Variants in CACNB2 observed in about 807,000 individuals in gnomAD.
The protein encoded by CACNB2 is voltage-dependent L-type calcium channel subunit beta-2.
Under a neutral mutation model 73.3 loss-of-function variants are expected in CACNB2, and 42 were observed. The observed-to-expected ratio is 0.57, with a 90% confidence interval of 0.45 to 0.74. CACNB2 has a LOEUF of 0.74. CACNB2 is among the 30% of genes least tolerant of loss of function. The probability of loss-of-function intolerance (pLI) is 0.00; values close to 1 mark genes in which losing one functional copy is unlikely to be tolerated. For missense variants in CACNB2, 940 were observed against 853.0 expected (o/e 1.10, Z -1.27); for synonymous variants, 348 against 310.3 (o/e 1.12, Z -1.28).
At chr10:18,525,186 C>T (rs1199255742) in intron 9 of CACNB2, among the ~76,000 whole-genome samples, 1 of 132,378 alleles carries the variant, frequency 7.6e-6, no homozygotes, top group African/African-American at 2.8e-5. Flanking sequence ...ATCTTTCTTT[C>T]TGTGCTGGGT....
intron 3 of CACNB2, among the ~76,000 whole-genome samples, chr10:18,482,039 G>C (rs544620430): frequency 8.3e-4 from 127 of 152,140 alleles, no homozygotes; most frequent in African/African-American, 3.0e-3. Flanking sequence ...ACAGGCGCCT[G>C]CCACCATGCC....
At position 18,400,776 on chromosome 10, in the gene CACNB2, T is replaced by C. The variant is rs560002434; in HGVS notation, c.214-1148T>C. On this transcript the variant is annotated intron_variant, in intron 2 of 13. Coordinates refer to ENST00000324631, the MANE Select transcript of CACNB2 (RefSeq NM_201596.3). ...GATGCTCGGCTTTTGAATGCACTTG[T>C]CTTCTTTATTTTTAAAGCAATATAA... is the stretch of plus-strand genomic sequence containing the variant. 6 of 1,399,038 alleles carry C rather than the reference T, an allele frequency of 4.3e-6. No homozygotes were observed. The African/African-American group carries it at 8.7e-5, about 20-fold the overall frequency. 86.7% of individuals were successfully genotyped at this position (1,399,038 alleles called of 1,614,324 possible). A position where few individuals can be genotyped will look rare whatever the true frequency, so the allele number is the denominator to read the frequency against.
intron 2 of CACNB2, chr10:18,401,193 T>C: frequency 6.8e-7 from 1 of 1,460,362 alleles, no homozygotes; most frequent in Admixed American, 1.8e-5. Flanking sequence ...GTGGTTTGAT[T>C]TGGTTAATCG....
intron 2 of CACNB2, among the ~76,000 whole-genome samples, chr10:18,282,448 TCA>T (rs1261883456): frequency 2.0e-4 from 31 of 152,328 alleles, no homozygotes; most frequent in African/African-American, 7.2e-4. Flanking sequence ...GGCACTGGCA[TCA>T]GCCTGGGAAA....
intron 2 of CACNB2, chr10:18,400,566 C>A (rs567348196): frequency 2.8e-4 from 286 of 1,021,554 alleles, no homozygotes; most frequent in Non-Finnish European, 3.2e-4. Context: ...CGCCTCCCCC[C>A]TCCCCCTCGA....
intron 2 of CACNB2, among the ~76,000 whole-genome samples, chr10:18,306,050 G>A (rs1445017248): frequency 1.3e-5 from 2 of 152,056 alleles, no homozygotes; most frequent in African/African-American, 4.8e-5. Context: ...GATAAGTAAG[G>A]GTGCAGAACA....
chr10:18,356,938 A>ATGTCTTTTTTTT lies in CACNB2; in HGVS notation c.214-44985_214-44984insGTCTTTTTTTTT, dbSNP rs1436280481. On this transcript the variant is annotated intron_variant, in intron 2 of 13. Transcript: ENST00000324631. ...AGCCACTGTGCCTGGCCCAGACTCA[A>ATGTCTTTTTTTT]TTTCTTTTTTTTTTTTTTTTTTTTG... Among the ~76,000 whole-genome samples the ATGTCTTTTTTTT allele has an allele frequency of 3.5e-4, 33 of 94,442 alleles. 4 individuals are homozygous for ATGTCTTTTTTTT. The highest frequency in any genetic ancestry group is 6.0e-4 in the Non-Finnish European group (28 of 46,400). 62.0% of individuals were successfully genotyped at this position (94,442 alleles called of 152,430 possible). A position where few individuals can be genotyped will look rare whatever the true frequency, so the allele number is the denominator to read the frequency against.
At chr10:18,142,888 T>G (rs1323682428) in intron 1 of CACNB2, among the ~76,000 whole-genome samples, 1 of 152,142 alleles carries the variant, frequency 6.6e-6, no homozygotes, top group East Asian at 1.9e-4. Flanking sequence ...TTCAAAGGAA[T>G]AAGGATAATA....
In CACNB2 at chr10:18,540,323, TTA is replaced by T. The variant is rs72366492; in HGVS notation, c.*608_*609del. ...ATTTCTGCAAACAAACACCTTCTTA[TTA>T]TATATATAATATATATATATATCAG... On this transcript the variant is annotated 3_prime_UTR_variant, in exon 14 of 14. Coordinates refer to ENST00000324631, the MANE Select transcript of CACNB2 (RefSeq NM_201596.3). The T allele has an allele frequency of 0.39, 54,325 of 139,448 alleles. 10,123 individuals carry two copies. The highest frequency in any genetic ancestry group is 0.44 in the Admixed American group (6,288 of 14,362). The allele number at this position is 139,448 out of a possible 1,614,324, so 8.6% of individuals were successfully genotyped here. A position where few individuals can be genotyped will look rare whatever the true frequency, so the allele number is the denominator to read the frequency against.
chr10:18,411,869 G>A (rs1344218651), intron 3 of CACNB2, among the ~76,000 whole-genome samples: 1 of 152,170 alleles, frequency 6.6e-6, no homozygotes, highest in Non-Finnish European at 1.5e-5. Flanking sequence ...CAGCACTGAT[G>A]ACTACACTAT....
chr10:18,291,847 T>C (rs1237821266), intron 2 of CACNB2, among the ~76,000 whole-genome samples: 1 of 152,212 alleles, frequency 6.6e-6, no homozygotes, highest in Non-Finnish European at 1.5e-5. Flanking sequence ...AGTTGTTTCA[T>C]GTTGGTAAGA....
intron 2 of CACNB2, among the ~76,000 whole-genome samples, chr10:18,340,180 T>C (rs1175832906): frequency 6.6e-6 from 1 of 152,166 alleles, no homozygotes; most frequent in East Asian, 1.9e-4. Flanking sequence ...TATATACATA[T>C]ATGTGTGTGT....
chr10:18,398,703 AC>A (rs1476200159), intron 2 of CACNB2, among the ~76,000 whole-genome samples: 1 of 147,074 alleles, frequency 6.8e-6, no homozygotes, highest in Non-Finnish European at 1.5e-5. Context: ...ACACACACAC[AC>A]ACACACACAC....
intron 3 of CACNB2, among the ~76,000 whole-genome samples, chr10:18,483,083 C>T (rs1222517414): frequency 1.3e-5 from 2 of 152,152 alleles, no homozygotes; most frequent in Non-Finnish European, 2.9e-5. Flanking sequence ...AGGGCAGCAG[C>T]AAAGGTTTTA....
rs12252962 is a variant in CACNB2 at position 18,498,792 on chromosome 10, G to T, written c.456+315G>T. 0.03 allele frequency: 9,705 copies of T among 318,806 alleles called. 813 individuals are homozygous for T. The highest frequency in any genetic ancestry group is 0.18 in the African/African-American group (8,487 of 45,886). 19.7% of individuals were successfully genotyped at this position (318,806 alleles called of 1,614,324 possible). ...TTTTTTTAATGTTTCACCTTGACTAGGTGTAGTTTTTCCTGATGCCTGAAG... is the reference window on the plus strand; with the variant it reads ...TTTTTTTAATGTTTCACCTTGACTATGTGTAGTTTTTCCTGATGCCTGAAG... On this transcript the variant is annotated intron_variant, in intron 4 of 13. Coordinates refer to ENST00000324631, the MANE Select transcript of CACNB2 (RefSeq NM_201596.3).
intron 2 of CACNB2, among the ~76,000 whole-genome samples, chr10:18,301,871 T>A (rs779043356): frequency 5.9e-5 from 9 of 151,868 alleles, no homozygotes; most frequent in East Asian, 2.0e-4. Context: ...CTGGTCTCGA[T>A]CTCCTGACCT....
intron 2 of CACNB2, among the ~76,000 whole-genome samples, chr10:18,236,776 C>T (rs2131480022): frequency 6.6e-6 from 1 of 152,312 alleles, no homozygotes. Context: ...ATGCTTGCAT[C>T]AGTGATCCAA....
At chr10:18,300,917 C>A (rs547183046) in intron 2 of CACNB2, among the ~76,000 whole-genome samples, 7 of 152,226 alleles carry the variant, frequency 4.6e-5, no homozygotes, top group African/African-American at 1.4e-4. Flanking sequence ...AAAAAAGTAA[C>A]AGAATATTCA....
At chr10:18,474,342 C>A (rs1224679786) in intron 3 of CACNB2, among the ~76,000 whole-genome samples, 1 of 152,154 alleles carries the variant, frequency 6.6e-6, no homozygotes, top group African/African-American at 2.4e-5. Flanking sequence ...GCAAGCAAGA[C>A]CTGTCTCTGT....
Sources: gnomAD v4.1 joint callset for allele counts (sites outside exome capture counted in the v4.1 genomes callset) on GRCh38, gnomAD v4.1.1 for gene constraint, MANE v1.5 for transcripts, NCBI Gene and HGNC (gene_info 2026-07-23, HGNC 2026-07-21) for gene names.